The following TNFSF4 variants were observed in gnomAD, a reference collection of about 807,000 sequenced individuals.
TNFSF4 encodes tumor necrosis factor ligand superfamily member 4.
Under a neutral mutation model 7.3 loss-of-function variants are expected in TNFSF4, and 4 were observed. The observed-to-expected ratio is 0.55, with a 90% CI of 0.27 to 1.25. TNFSF4 has a LOEUF of 1.25. TNFSF4 is among the 50% of genes most tolerant of loss of function. The pLI is 0.12. For missense variants in TNFSF4, 181 were observed against 208.8 expected (o/e 0.87, Z 0.82); for synonymous variants, 76 against 83.7 (o/e 0.91, Z 0.50).
upstream of TNFSF4, among the ~76,000 whole-genome samples, chr1:173,208,090 T>C (rs1650261448): frequency 1.3e-5 from 2 of 152,214 alleles, no homozygotes; most frequent in East Asian, 1.9e-4. Flanking sequence ...ATTTCTTTCT[T>C]TGAGGTCGTG....
chr1:173,298,017 G>C, the TNFSF4 span, among the ~76,000 whole-genome samples: 2 of 151,938 alleles, frequency 1.3e-5, no homozygotes, highest in Non-Finnish European at 2.9e-5. Context: ...GGGAAGTCCA[G>C]GCTAACTCTA....
chr1:173,230,099 G>T, the TNFSF4 span, among the ~76,000 whole-genome samples: 8 of 152,102 alleles, frequency 5.3e-5, no homozygotes, highest in Non-Finnish European at 1.2e-4. Context: ...GACATCTACA[G>T]AACTCTCCAC....
At chr1:173,410,107 A>G in the TNFSF4 span, among the ~76,000 whole-genome samples, 1 of 152,174 alleles carries the variant, frequency 6.6e-6, no homozygotes, top group African/African-American at 2.4e-5. Flanking sequence ...TCTACAAAAA[A>G]TCAAAAAATG....
At chr1:173,411,562 G>A in the TNFSF4 span, among the ~76,000 whole-genome samples, 1 of 152,172 alleles carries the variant, frequency 6.6e-6, no homozygotes, top group Non-Finnish European at 1.5e-5. Context: ...AACTTTGGGA[G>A]GCTGAGGTGG....
At chr1:173,372,993 C>T in the TNFSF4 span, among the ~76,000 whole-genome samples, 574 of 152,324 alleles carry the variant, frequency 3.8e-3, 5 homozygotes, top group African/African-American at 0.012. Flanking sequence ...TGAAAGTAAG[C>T]CTCTTCCCCC....
At chr1:173,246,939 G>C in the TNFSF4 span, among the ~76,000 whole-genome samples, 1 of 152,098 alleles carries the variant, frequency 6.6e-6, no homozygotes, top group Non-Finnish European at 1.5e-5. Flanking sequence ...TCTCTACTTT[G>C]CCTATAAGGG....
chr1:173,326,835 G>T, the TNFSF4 span, among the ~76,000 whole-genome samples: 1 of 152,096 alleles, frequency 6.6e-6, no homozygotes, highest in African/African-American at 2.4e-5. Context: ...TCTTCAAGGA[G>T]AACTACAAAC....
the TNFSF4 span, among the ~76,000 whole-genome samples, chr1:173,224,296 A>T: frequency 6.6e-6 from 1 of 152,204 alleles, no homozygotes; most frequent in Non-Finnish European, 1.5e-5. Context: ...TGAGGAAGGA[A>T]ACAAACATTT....
chr1:173,437,233 T>A, the TNFSF4 span, among the ~76,000 whole-genome samples: 1 of 152,240 alleles, frequency 6.6e-6, no homozygotes, highest in Non-Finnish European at 1.5e-5. Flanking sequence ...CCTTTTGCTA[T>A]AATAAAATTG....
the TNFSF4 span, among the ~76,000 whole-genome samples, chr1:173,382,706 G>A: frequency 3.9e-5 from 6 of 152,056 alleles, no homozygotes; most frequent in Non-Finnish European, 8.8e-5. Context: ...AATCCACAGT[G>A]ATCAGCATTT....
chr1:173,175,743 C>T, the TNFSF4 span, among the ~76,000 whole-genome samples: 1 of 152,152 alleles, frequency 6.6e-6, no homozygotes, highest in African/African-American at 2.4e-5. Flanking sequence ...CAGACCAGCA[C>T]TTCTTATGTA....
chr1:173,375,591 G>A, the TNFSF4 span, among the ~76,000 whole-genome samples: 1 of 152,086 alleles, frequency 6.6e-6, no homozygotes, highest in South Asian at 2.1e-4. Flanking sequence ...GCACCAATCA[G>A]CACTCTGTAA....
chr1:173,221,565 A>G, the TNFSF4 span, among the ~76,000 whole-genome samples: 1 of 152,218 alleles, frequency 6.6e-6, no homozygotes, highest in Admixed American at 6.5e-5. Flanking sequence ...TAACTTGTAC[A>G]TCATTGGGCT....
chr1:173,330,359 AATT>A, the TNFSF4 span, among the ~76,000 whole-genome samples: 4 of 151,242 alleles, frequency 2.6e-5, no homozygotes, highest in African/African-American at 7.2e-5. Flanking sequence ...TTTGTTAATA[AATT>A]ATTAATATTA....
the TNFSF4 span, among the ~76,000 whole-genome samples, chr1:173,344,326 T>C: frequency 6.6e-6 from 1 of 152,198 alleles, no homozygotes; most frequent in Non-Finnish European, 1.5e-5. Flanking sequence ...GTAAGAGCTT[T>C]AAAGTCAAGA....
the TNFSF4 span, among the ~76,000 whole-genome samples, chr1:173,364,942 G>A: frequency 3.3e-5 from 5 of 152,074 alleles, no homozygotes; most frequent in Admixed American, 2.6e-4. Flanking sequence ...AAAAAAATAA[G>A]TTCAAGAACG....
At chr1:173,401,655 T>C in the TNFSF4 span, among the ~76,000 whole-genome samples, 1 of 152,120 alleles carries the variant, frequency 6.6e-6, no homozygotes, top group Admixed American at 6.6e-5. Context: ...ACTACACCAC[T>C]GGCTTTCCTG....
the TNFSF4 span, among the ~76,000 whole-genome samples, chr1:173,332,400 A>G: frequency 6.6e-6 from 1 of 152,116 alleles, no homozygotes; most frequent in African/African-American, 2.4e-5. Flanking sequence ...ATACTCTCCA[A>G]ATGGATTGAA....
chr1:173,390,840 C>T, the TNFSF4 span, among the ~76,000 whole-genome samples: 2 of 150,708 alleles, frequency 1.3e-5, no homozygotes, highest in Non-Finnish European at 3.0e-5. Flanking sequence ...CTGCCTCCCA[C>T]GTTCAAGCGA....
Sources: gnomAD v4.1 joint callset for allele counts (sites outside exome capture counted in the v4.1 genomes callset) on GRCh38, gnomAD v4.1.1 for gene constraint, MANE v1.5 for transcripts, NCBI Gene and HGNC (gene_info 2026-07-23, HGNC 2026-07-21) for gene names.